The following ZC2HC1A variants were observed in gnomAD, a reference collection of about 807,000 sequenced individuals.
ZC2HC1A encodes zinc finger C2HC-type containing 1A.
In ZC2HC1A, 28 loss-of-function variants were observed where a neutral mutation model predicts 40.7. The observed-to-expected ratio is 0.69, with a 90% confidence interval of 0.51 to 0.94. The LOEUF (loss-of-function observed/expected upper bound fraction) is 0.94. ZC2HC1A is among the 40% of genes least tolerant of loss of function. The pLI is 0.00. For missense variants in ZC2HC1A, 389 were observed against 386.3 expected, an observed-to-expected ratio of 1.01 and a Z score of -0.06; for synonymous variants, 129 against 129.2, an observed-to-expected ratio of 1.00 and a Z score of 0.01.
chr8:78,706,523 C>G (rs757513366), intron 7 of ZC2HC1A, among the ~76,000 whole-genome samples: 15 of 152,090 alleles, frequency 9.9e-5, no homozygotes, highest in Non-Finnish European at 1.5e-5. Flanking sequence ...TTCCCAGGGT[C>G]ACACGTTCAC....
chr8:78,672,624 T>C (rs1031584345), intron 1 of ZC2HC1A, among the ~76,000 whole-genome samples: 2 of 152,192 alleles, frequency 1.3e-5, no homozygotes, highest in African/African-American at 4.8e-5. Flanking sequence ...ACCTTTAAGA[T>C]AAAAGAACAT....
At chr8:78,672,459 T>C (rs1455620574) in intron 1 of ZC2HC1A, among the ~76,000 whole-genome samples, 2 of 152,170 alleles carry the variant, frequency 1.3e-5, no homozygotes, top group Non-Finnish European at 2.9e-5. Context: ...TGCTTTCTAT[T>C]ATCTGGTGAT....
chr8:78,689,476 C>T, intron 5 of ZC2HC1A, 103 bp downstream of exon 5: 2 of 1,089,330 alleles, frequency 1.8e-6, no homozygotes, highest in South Asian at 5.4e-5. Context: ...TTTTTCTCAC[C>T]TGCTTTTATA....
At chr8:78,686,661 G>C in intron 4 of ZC2HC1A, 53 bp downstream of exon 4, 1 of 1,400,046 alleles carries the variant, frequency 7.1e-7, no homozygotes, top group Non-Finnish European at 9.3e-7. Context: ...AATAATGATA[G>C]AGTTTTTATA....
chr8:78,678,731 A>C, intron 3 of ZC2HC1A, 52 bp downstream of exon 3: 1 of 1,239,616 alleles, frequency 8.1e-7, no homozygotes, highest in Middle Eastern at 2.0e-4. Context: ...TGTATGTTGA[A>C]AAATATTATA....
rs765427708 is a variant in ZC2HC1A, at chr8:78,719,357, G to A, written c.*1864G>A. The A allele has an allele frequency of 2.6e-5, 4 of 151,668 alleles. No homozygotes were observed. In the South Asian group the frequency reaches 8.3e-4, roughly 31 times the overall value. 9.4% of individuals were successfully genotyped at this position (151,668 alleles called of 1,614,324 possible). On this transcript the variant is annotated 3_prime_UTR_variant, in exon 9 of 9. Transcript: ENST00000263849. ...TTAATGTTATAATGTACCACATGGA[G>A]ATGAGTTGGTAAGAAATCATCTAGT...
intron 6 of ZC2HC1A, among the ~76,000 whole-genome samples, 192 bp from the exon 7 acceptor site, chr8:78,698,222 G>T (rs1775031231): frequency 1.3e-5 from 2 of 151,980 alleles, no homozygotes; most frequent in African/African-American, 4.8e-5. Flanking sequence ...ATTATAAGAG[G>T]GACATTTAGA....
intron 7 of ZC2HC1A, among the ~76,000 whole-genome samples, chr8:78,708,645 T>G (rs1056444121): frequency 4.6e-5 from 7 of 151,886 alleles, no homozygotes; most frequent in African/African-American, 7.2e-5. Flanking sequence ...AGTAGAAAGT[T>G]TTTCCCTTCT....
At chr8:78,677,445 G>A (rs1393780990) in intron 2 of ZC2HC1A, among the ~76,000 whole-genome samples, 3 of 152,054 alleles carry the variant, frequency 2.0e-5, no homozygotes, top group African/African-American at 7.2e-5. Flanking sequence ...TTCCAGAAGG[G>A]AGGAAAAGAA....
intron 1 of ZC2HC1A, among the ~76,000 whole-genome samples, chr8:78,672,709 T>C (rs1479307361): frequency 6.6e-6 from 1 of 152,160 alleles, no homozygotes; most frequent in Non-Finnish European, 1.5e-5. Context: ...ATCCTTAAAT[T>C]ATGACTTTTC....
intron 1 of ZC2HC1A, among the ~76,000 whole-genome samples, chr8:78,670,496 G>A (rs1809413157): frequency 6.6e-6 from 1 of 152,120 alleles, no homozygotes; most frequent in African/African-American, 2.4e-5. Flanking sequence ...TTAAGACTAA[G>A]GGAGTTCTGC....
intron 5 of ZC2HC1A, among the ~76,000 whole-genome samples, chr8:78,690,277 C>T (rs1254508848): frequency 6.6e-6 from 1 of 152,130 alleles, no homozygotes; most frequent in East Asian, 1.9e-4. Context: ...TTTTCTTTGG[C>T]AGCCGGGTGC....
chr8:78,695,034 T>G (rs993258531), intron 5 of ZC2HC1A, among the ~76,000 whole-genome samples: 4 of 152,150 alleles, frequency 2.6e-5, no homozygotes, highest in South Asian at 4.1e-4. Flanking sequence ...GTAGAATAGA[T>G]AGAATATAGC....
At chr8:78,686,338 A>C in intron 3 of ZC2HC1A, 129 bp from the exon 4 acceptor site, 1 of 764,322 alleles carries the variant, frequency 1.3e-6, no homozygotes, top group Non-Finnish European at 1.8e-6. Flanking sequence ...AAATTTGAGA[A>C]GGATATCATT....
At chr8:78,682,613 C>A (rs905499223) in intron 3 of ZC2HC1A, among the ~76,000 whole-genome samples, 1 of 152,164 alleles carries the variant, frequency 6.6e-6, no homozygotes, top group Non-Finnish European at 1.5e-5. Context: ...ATGAGAACTA[C>A]AATTCAAGAT....
intron 1 of ZC2HC1A, among the ~76,000 whole-genome samples, chr8:78,666,501 A>G (rs1809302209): frequency 6.6e-6 from 1 of 152,106 alleles, no homozygotes; most frequent in Non-Finnish European, 1.5e-5. Context: ...GTCTCTGGCC[A>G]GATTTTGTTT....
At chr8:78,695,385 T>C (rs1272340839) in intron 5 of ZC2HC1A, among the ~76,000 whole-genome samples, 1 of 152,196 alleles carries the variant, frequency 6.6e-6, no homozygotes, top group Non-Finnish European at 1.5e-5. Flanking sequence ...CTCCATTATG[T>C]AATGCTACCA....
chr8:78,712,022 C>A, intron 7 of ZC2HC1A: 1 of 1,289,568 alleles, frequency 7.8e-7, no homozygotes, highest in Non-Finnish European at 1.0e-6. Context: ...CCACTTCGAA[C>A]GGGAAGACTT....
chr8:78,686,194 A>G (rs1391574834), intron 3 of ZC2HC1A, among the ~76,000 whole-genome samples: 3 of 152,150 alleles, frequency 2.0e-5, no homozygotes, highest in South Asian at 2.1e-4. Flanking sequence ...CCACAGCAAC[A>G]GTCTTAGTGG....
Sources: allele counts gnomAD v4.1 joint callset (sites outside exome capture counted in the v4.1 genomes callset), GRCh38; gene constraint gnomAD v4.1.1; transcripts MANE v1.5; gene names NCBI Gene and HGNC (gene_info 2026-07-23, HGNC 2026-07-21).